The following ZNF462 variants were observed in gnomAD, a reference collection of about 807,000 sequenced individuals.
ZNF462 encodes zinc finger protein 462, also known as zinc finger PBX1-interacting protein.
A neutral mutation model predicts 201.9 loss-of-function variants in ZNF462; 10 were observed. The ratio of observed to expected loss-of-function variants is 0.05; its 90% CI spans 0.03 to 0.08. The LOEUF is 0.08. ZNF462 is among the 10% of genes least tolerant of loss of function. ZNF462 has a pLI of 1.00. For synonymous variants in ZNF462, 1,227 were observed against 1,193.3 expected, an observed-to-expected ratio of 1.03 and a Z score of -0.58; for missense variants, 2,523 against 3,168.3, an observed-to-expected ratio of 0.80 and a Z score of 4.89.
chr9:106,995,817 T>G (rs1828671503), intron 10 of ZNF462: 1 of 152,150 alleles, frequency 6.6e-6, no homozygotes, highest in South Asian at 2.1e-4. Context: ...TTATGGCAAT[T>G]TTTTTATTAT....
rs1239537574 is a variant in ZNF462 at position 106,925,685 on chromosome 9, C to T, written c.1773C>T (p.Pro591=). ...CACCAACGCAGCAGCCACAGCCACCCACACAAGCCGCACCTCTGCACCCAT... is the reference window on the plus strand; with the variant it reads ...CACCAACGCAGCAGCCACAGCCACCTACACAAGCCGCACCTCTGCACCCAT... ...QPPPTQQPQP[P]TQAAPLHPYK... Residue 591 remains proline, a synonymous_variant, in exon 3 of 13, where the codon CCC becomes CCT. Transcript: ENST00000277225. This position sits in a 1 kb window ranked among gnomAD's most constrained non-coding sequence, Gnocchi z 7.9. The T allele has an allele frequency of 1.2e-6, 2 of 1,614,030 alleles. No homozygotes were observed. The highest frequency in any genetic ancestry group is 1.7e-6 in the Non-Finnish European group (2 of 1,180,046).
chr9:106,966,309 T>C lies in ZNF462; in HGVS notation c.6428-5696T>C, dbSNP rs1169815615. Among the ~76,000 whole-genome samples, 2 of 152,116 alleles carry C rather than the reference T, an allele frequency of 1.3e-5. No individual in the cohort carries two copies. Among genetic ancestry groups the C allele is most frequent in the Admixed American group, 1.3e-4 (2 of 15,266 alleles). The stretch of plus-strand genomic sequence containing the variant: ...CCTAGGGAAATTAAGTCATTTTTTT[T>C]CATTGTGATAATAATGTAGTTGTTG... On this transcript the variant is annotated intron_variant, in intron 7 of 12. Transcript: ENST00000277225. This position sits in a 1 kb window ranked among gnomAD's most constrained non-coding sequence, Gnocchi z 4.4.
At position 106,932,818 on chromosome 9, in the gene ZNF462, C is replaced by T; in HGVS notation, c.6116+269C>T. The T allele has an allele frequency of 1.7e-6, 1 of 572,754 alleles. No homozygotes were observed. The highest frequency in any genetic ancestry group is 2.0e-5 in the South Asian group (1 of 48,832). 35.5% of individuals were successfully genotyped at this position (572,754 alleles called of 1,614,324 possible). On this transcript the variant is annotated intron_variant, in intron 5 of 12. Coordinates refer to ENST00000277225, the MANE Select transcript of ZNF462 (RefSeq NM_021224.6). The surrounding 1 kb of genome is among the most constrained non-coding windows in gnomAD (Gnocchi z 6.8). Reference sequence around the variant, plus strand: ...GATTTACCCAAAGGTAAAATGGCATCTGTGGAGAGTAGATGAGTCTCCTGA... The same window carrying T: ...GATTTACCCAAAGGTAAAATGGCATTTGTGGAGAGTAGATGAGTCTCCTGA...
At chr9:106,899,811 T>C (rs1461188925) in intron 1 of ZNF462, among the ~76,000 whole-genome samples, 1 of 152,170 alleles carries the variant, frequency 6.6e-6, no homozygotes, top group African/African-American at 2.4e-5. Context: ...GGAGATAGTG[T>C]GGCTTTTCTT....
In ZNF462 at chr9:106,970,300, A is replaced by G. The variant is rs1012718507; in HGVS notation, c.6428-1705A>G. Reference sequence around the variant, plus strand: ...GTGGCAGGTTTGTTTACAATTTCCAAAGGGGTTTTTCTCAATCTTGAGGAA... The same window carrying G: ...GTGGCAGGTTTGTTTACAATTTCCAGAGGGGTTTTTCTCAATCTTGAGGAA... On this transcript the variant is annotated intron_variant, in intron 7 of 12. Transcript: ENST00000277225. The surrounding 1 kb of genome is among the most constrained non-coding windows in gnomAD (Gnocchi z 4.2). Among the ~76,000 whole-genome samples the G allele has an allele frequency of 2.0e-5, 3 of 152,086 alleles. No individual in the cohort carries two copies. Among genetic ancestry groups the G allele is most frequent in the Non-Finnish European group, 4.4e-5 (3 of 68,010 alleles).
rs973351296 is a variant in ZNF462 at position 106,927,804 on chromosome 9, A to G, written c.3892A>G (p.Ile1298Val). The G allele has an allele frequency of 5.0e-6, 8 of 1,614,046 alleles. No homozygotes were observed. Among genetic ancestry groups the G allele is most frequent in the South Asian group, 2.2e-5 (2 of 91,076 alleles). ...HPALKATVTS[I>V]MRWAFLDGLI... ...CGCCCTGAAAGCCACAGTCACGTCC[A>G]TCATGCGATGGGCATTTCTAGATGG... is the stretch of plus-strand genomic sequence containing the variant. Residue 1298 changes from isoleucine (I) to valine (V), a missense_variant, in exon 3 of 13, where the codon ATC becomes GTC. By Grantham distance (29) the Ile-to-Val change is conservative. Coordinates refer to ENST00000277225, the MANE Select transcript of ZNF462 (RefSeq NM_021224.6).
chr9:106,961,535 C>CTT (rs71491264), intron 7 of ZNF462, among the ~76,000 whole-genome samples: 2 of 145,536 alleles, frequency 1.4e-5, no homozygotes, highest in African/African-American at 5.0e-5. Flanking sequence ...AGTTTGTACT[C>CTT]TTTTTTTTTT....
intron 10 of ZNF462, among the ~76,000 whole-genome samples, chr9:106,990,547 G>T (rs1185391691): frequency 6.6e-6 from 1 of 151,922 alleles, no homozygotes; most frequent in Non-Finnish European, 1.5e-5. Context: ...TTGTATTGCT[G>T]TCTGTCTCAT....
rs1256968133 is a variant in ZNF462, at chr9:107,008,675, T to C, written c.7190-870T>C. Among the ~76,000 whole-genome samples the C allele has an allele frequency of 3.9e-5, 6 of 152,152 alleles. No homozygotes were observed. Among genetic ancestry groups the C allele is most frequent in the African/African-American group, 1.4e-4 (6 of 41,432 alleles). ...AACACAATGGCCATATAATCTCTTATCTTTGAGTTTGCCAGGAGACGTGGC... is the reference window on the plus strand; with the variant it reads ...AACACAATGGCCATATAATCTCTTACCTTTGAGTTTGCCAGGAGACGTGGC... On this transcript the variant is annotated intron_variant, in intron 11 of 12. Coordinates refer to ENST00000277225, the MANE Select transcript of ZNF462 (RefSeq NM_021224.6). The surrounding 1 kb of genome is among the most constrained non-coding windows in gnomAD (Gnocchi z 4.8).
At chr9:106,955,877 C>T (rs544543333) in intron 7 of ZNF462, among the ~76,000 whole-genome samples, 1 of 152,224 alleles carries the variant, frequency 6.6e-6, no homozygotes, top group South Asian at 2.1e-4. Context: ...GAGAATCAGT[C>T]ACCTCTCCAG....
chr9:106,881,559 A>T (rs151092123), intron 1 of ZNF462, among the ~76,000 whole-genome samples: 1 of 152,222 alleles, frequency 6.6e-6, no homozygotes, highest in Non-Finnish European at 1.5e-5. Flanking sequence ...AAAAATCCTA[A>T]TTTTCTTTCC....
intron 1 of ZNF462, among the ~76,000 whole-genome samples, chr9:106,867,346 G>T (rs1241272306): frequency 2.0e-5 from 3 of 152,178 alleles, no homozygotes; most frequent in Non-Finnish European, 4.4e-5. Flanking sequence ...ACAAGTTCAT[G>T]TGGCTTATTA....
chr9:106,861,379 G>A (rs189601745), upstream of ZNF462, among the ~76,000 whole-genome samples: 112 of 152,312 alleles, frequency 7.4e-4, 1 homozygote, highest in East Asian at 0.018. Context: ...GTTGCTTGGG[G>A]GGAGGGAGGA....
At position 106,930,522 on chromosome 9, in the gene ZNF462, C is replaced by T; in HGVS notation, c.5848-3C>T. On this transcript the variant is annotated splice_polypyrimidine_tract_variant and splice_region_variant and intron_variant, in intron 3 of 12. Coordinates refer to ENST00000277225, the MANE Select transcript of ZNF462 (RefSeq NM_021224.6). This position sits in a 1 kb window ranked among gnomAD's most constrained non-coding sequence, Gnocchi z 5.8. The stretch of plus-strand genomic sequence containing the variant: ...ACTGATGGCTACCACTGTATTTTAC[C>T]AGCCTTTTGGTCACTTAGAAGAGGT... 1 of 1,613,950 alleles carries T rather than the reference C, an allele frequency of 6.2e-7. No homozygotes were observed. Among genetic ancestry groups the T allele is most frequent in the Non-Finnish European group, 8.5e-7 (1 of 1,179,914 alleles).
At chr9:106,939,255 G>A in intron 7 of ZNF462, 148 bp downstream of exon 7, 1 of 877,744 alleles carries the variant, frequency 1.1e-6, no homozygotes, top group African/African-American at 1.7e-5. Context: ...GAAATGGTGT[G>A]GAAGTTGGAG....
rs757524372 is a variant in ZNF462 at position 106,924,336 on chromosome 9, C to A, written c.424C>A (p.Pro142Thr). 3 of 1,614,130 alleles carry A rather than the reference C, an allele frequency of 1.9e-6. No homozygotes were observed. The highest frequency in any genetic ancestry group is 1.7e-6 in the Non-Finnish European group (2 of 1,180,020). ...TCAAGCTGAAGGGAGTTCATCAGGA[C>A]CCCCTGTCCCGGGATCCTTAAATTA... ...GAQAEGSSSG[P>T]PVPGSLNYNI... Residue 142 changes from proline to threonine, a missense_variant, in exon 3 of 13, where the codon CCC becomes ACC. Physicochemically the swap from Pro to Thr is conservative, Grantham distance 38. Coordinates refer to ENST00000277225, the MANE Select transcript of ZNF462 (RefSeq NM_021224.6). The surrounding 1 kb of genome is among the most constrained non-coding windows in gnomAD (Gnocchi z 6.2).
chr9:106,917,640 T>C lies in ZNF462; in HGVS notation c.-30-5714T>C, dbSNP rs146262473. ...CCTTAATTATTTATCCTCCCTGATA[T>C]GTTAAACCTTTCATTAGTGTGGTGA... On this transcript the variant is annotated intron_variant, in intron 1 of 12. Transcript: ENST00000277225. The surrounding 1 kb of genome is among the most constrained non-coding windows in gnomAD (Gnocchi z 4.5). Among the ~76,000 whole-genome samples, 23 of 152,312 alleles carry C rather than the reference T, an allele frequency of 1.5e-4. No individual in the cohort carries two copies. In the South Asian group the frequency reaches 3.9e-3, roughly 26 times the overall value.
At position 106,927,724 on chromosome 9, in the gene ZNF462, C is replaced by T; in HGVS notation, c.3812C>T (p.Ser1271Leu). The stretch of plus-strand genomic sequence containing the variant: ...CGAGCACTCAAATGTAGGCAGTGCT[C>T]ATATACCTCCCCCTACTTCTATGCA... ...KLRALKCRQC[S>L]YTSPYFYALR... Residue 1271 changes from serine to leucine, a missense_variant, in exon 3 of 13, where the codon TCA (serine) becomes TTA (leucine). By Grantham distance (145) the Ser-to-Leu change is moderately radical. Around this residue, in one of 15 missense-constraint regions of ZNF462, gnomAD observed 222 missense variants for 271.6 expected, o/e 0.82. Coordinates refer to ENST00000277225, the MANE Select transcript of ZNF462 (RefSeq NM_021224.6). 3 of 1,614,090 alleles carry T rather than the reference C, an allele frequency of 1.9e-6. No homozygotes were observed. Among genetic ancestry groups the T allele is most frequent in the Non-Finnish European group, 2.5e-6 (3 of 1,180,034 alleles).
chr9:106,899,819 C>A (rs946637337), intron 1 of ZNF462, among the ~76,000 whole-genome samples: 3 of 150,458 alleles, frequency 2.0e-5, no homozygotes, highest in Non-Finnish European at 4.4e-5. Context: ...TGTGGCTTTT[C>A]TTTTTTTTTA....
Sources: allele counts gnomAD v4.1 joint callset (sites outside exome capture counted in the v4.1 genomes callset), GRCh38; gene constraint gnomAD v4.1.1; regional missense constraint gnomAD v4.1.1; non-coding constraint Gnocchi (gnomAD v3.1); transcripts MANE v1.5; gene names NCBI Gene and HGNC (gene_info 2026-07-23, HGNC 2026-07-21).